HTR2A: variants seen among roughly 807,000 people sequenced by gnomAD.
The protein encoded by HTR2A is 5-hydroxytryptamine receptor 2A, also known as 5-HT2 receptor.
Under a neutral mutation model 31.0 loss-of-function variants are expected in HTR2A, and 14 were observed. The ratio of observed to expected loss-of-function variants is 0.45; its 90% CI spans 0.30 to 0.71. HTR2A has a LOEUF of 0.71. Ranked by LOEUF, HTR2A falls within the 30% of genes least tolerant of loss-of-function variation. The pLI, the probability that HTR2A is intolerant of heterozygous loss-of-function variation, is 0.09. For missense variants in HTR2A, 442 were observed against 573.3 expected (o/e 0.77, Z 2.34); for synonymous variants, 209 against 225.2 (o/e 0.93, Z 0.64).
At chr13:46,871,301 T>G (rs972720661) in intron 3 of HTR2A, among the ~76,000 whole-genome samples, 2 of 152,222 alleles carry the variant, frequency 1.3e-5, no homozygotes, top group Non-Finnish European at 2.9e-5. Flanking sequence ...AGTTTTGACC[T>G]GAAAAAGTGA....
chr13:46,882,322 C>T (rs1224919085), intron 3 of HTR2A, among the ~76,000 whole-genome samples: 1 of 151,748 alleles, frequency 6.6e-6, no homozygotes, highest in Non-Finnish European at 1.5e-5. Context: ...TCAGTAGAAA[C>T]AGTCAATAAA....
rs1459168488 is a variant in HTR2A, at chr13:46,832,278, CAT to C, written c.*2557_*2558del. ...AATAAACATGATACAAACATGCACA[CAT>C]GTGTATATACTGAGTGTTTTCATTG... On this transcript the variant is annotated 3_prime_UTR_variant, in exon 4 of 4. Coordinates refer to ENST00000542664, the MANE Select transcript of HTR2A (RefSeq NM_000621.5). 1 of 152,202 alleles carries C rather than the reference CAT, an allele frequency of 6.6e-6. No individual in the cohort carries two copies. Among genetic ancestry groups the C allele is most frequent in the Non-Finnish European group, 1.5e-5 (1 of 68,032 alleles). 9.4% of individuals were successfully genotyped at this position (152,202 alleles called of 1,614,324 possible). A position where few individuals can be genotyped will look rare whatever the true frequency, so the allele number is the denominator to read the frequency against.
chr13:46,885,075 C>T (rs1054557455), intron 3 of HTR2A, among the ~76,000 whole-genome samples: 4 of 151,918 alleles, frequency 2.6e-5, no homozygotes, highest in African/African-American at 9.7e-5. Context: ...ATATGCGTAC[C>T]TATGATAAAA....
rs550337967 is a variant in HTR2A, at chr13:46,858,285, C to T, written c.614-22646G>A. Among the ~76,000 whole-genome samples, 20 of 152,070 alleles carry T rather than the reference C, an allele frequency of 1.3e-4. 1 individual carries two copies. The South Asian group carries it at 4.2e-3, about 32-fold the overall frequency. On this transcript the variant is annotated intron_variant, in intron 3 of 3. Coordinates refer to ENST00000542664, the MANE Select transcript of HTR2A (RefSeq NM_000621.5). ...GAAAACAGGTACCTGAATCTGACGA[C>T]CCCTCTCTCAGGCAGCTCTCAGGGC...
intron 3 of HTR2A, among the ~76,000 whole-genome samples, chr13:46,872,897 A>T (rs1448921632): frequency 6.6e-6 from 1 of 151,998 alleles, no homozygotes; most frequent in African/African-American, 2.4e-5. Flanking sequence ...AATTATTATT[A>T]TTATTATTTT....
chr13:46,881,674 T>C (rs192058699), intron 3 of HTR2A, among the ~76,000 whole-genome samples: 79 of 152,294 alleles, frequency 5.2e-4, no homozygotes, highest in African/African-American at 1.7e-3. Flanking sequence ...CTTTCTGTCC[T>C]GGTTGCCTGA....
intron 3 of HTR2A, among the ~76,000 whole-genome samples, chr13:46,866,679 T>G (rs1185086800): frequency 4.6e-5 from 7 of 152,212 alleles, no homozygotes; most frequent in Admixed American, 2.0e-4. Flanking sequence ...ATTTACATTT[T>G]CAGCAAGAGG....
At chr13:46,845,135 G>C (rs770244101) in intron 3 of HTR2A, among the ~76,000 whole-genome samples, 1 of 151,910 alleles carries the variant, frequency 6.6e-6, no homozygotes, top group African/African-American at 2.4e-5. Context: ...GATCTTATAG[G>C]GAAAACAAAA....
At chr13:46,851,187 T>C (rs113967715) in intron 3 of HTR2A, among the ~76,000 whole-genome samples, 6 of 152,268 alleles carry the variant, frequency 3.9e-5, no homozygotes, top group Non-Finnish European at 8.8e-5. Context: ...GTGTGTTTCC[T>C]AGTAAAACCA....
chr13:46,875,724 A>G (rs987269082), intron 3 of HTR2A, among the ~76,000 whole-genome samples: 1 of 152,178 alleles, frequency 6.6e-6, no homozygotes, highest in African/African-American at 2.4e-5. Context: ...ATCTTCCTAG[A>G]AGTGACTCTT....
intron 3 of HTR2A, chr13:46,852,362 T>A (rs902602976): frequency 9.2e-5 from 14 of 152,586 alleles, no homozygotes; most frequent in Non-Finnish European, 1.6e-4. Context: ...ACTGTAGGTG[T>A]CCACGTTCTT....
intron 3 of HTR2A, among the ~76,000 whole-genome samples, chr13:46,857,716 T>C (rs1950748571): frequency 6.6e-6 from 1 of 151,994 alleles, no homozygotes; most frequent in Non-Finnish European, 1.5e-5. Context: ...TTCAGACAAA[T>C]GAAATAAATG....
chr13:46,859,362 G>A (rs6561335), intron 3 of HTR2A, among the ~76,000 whole-genome samples: 120,255 of 152,110 alleles, frequency 0.79, 47,953 homozygotes, highest in East Asian at 0.97. Context: ...TGTCATCCAT[G>A]CCATTTCATC....
chr13:46,834,769 T>G lies in HTR2A; in HGVS notation c.*68A>C. The G allele has an allele frequency of 1.8e-5, 23 of 1,253,100 alleles. No homozygotes were observed. The highest frequency in any genetic ancestry group is 2.6e-5 in the Non-Finnish European group (23 of 901,902). The allele number at this position is 1,253,100 out of a possible 1,614,324, so 77.6% of individuals were successfully genotyped here. A position where few individuals can be genotyped will look rare whatever the true frequency, so the allele number is the denominator to read the frequency against. On this transcript the variant is annotated 3_prime_UTR_variant, in exon 4 of 4. Transcript: ENST00000542664. ...TGTCTAATTTTTTCCAATCTCATAT[T>G]TTTTTTTTTCCAGATAGGTGAAAAC...
intron 3 of HTR2A, among the ~76,000 whole-genome samples, chr13:46,845,465 A>G (rs996383320): frequency 6.6e-6 from 1 of 152,158 alleles, no homozygotes; most frequent in Non-Finnish European, 1.5e-5. Flanking sequence ...TACCAGAAGC[A>G]TTGAGCAGGT....
Position 46,895,191 on chromosome 13 carries a change from A to G in HTR2A, c.412+304T>C, listed in dbSNP as rs1191192602. On this transcript the variant is annotated intron_variant, in intron 2 of 3. Transcript: ENST00000542664. This position sits in a 1 kb window ranked among gnomAD's most constrained non-coding sequence, Gnocchi z 4.4. ...GGTTTATGACTGTATGGGGTAATTT[A>G]TAAAAATTTCTACATTAAATGTACA... The G allele has an allele frequency of 7.2e-6, 2 of 279,090 alleles. No individual in the cohort carries two copies. The highest frequency in any genetic ancestry group is 4.4e-5 in the African/African-American group (2 of 45,770). 17.3% of individuals were successfully genotyped at this position (279,090 alleles called of 1,614,324 possible).
rs571440066 is a variant in HTR2A at position 46,872,075 on chromosome 13, T to C, written c.613+20315A>G. On this transcript the variant is annotated intron_variant, in intron 3 of 3. Coordinates refer to ENST00000542664, the MANE Select transcript of HTR2A (RefSeq NM_000621.5). ...TGGTGTTCTTTCAAATATGAGAAGG[T>C]ACTTTTTTACTCTGACCAATTTGGA... Among the ~76,000 whole-genome samples the C allele has an allele frequency of 5.9e-5, 9 of 152,336 alleles. No homozygotes were observed. The East Asian group carries it at 1.7e-3, about 29-fold the overall frequency.
In HTR2A at chr13:46,832,157, T is replaced by C. The variant is rs373388872; in HGVS notation, c.*2680A>G. 1.3e-5 allele frequency: 2 copies of C among 152,230 alleles called. No homozygotes were observed. The highest frequency in any genetic ancestry group is 2.1e-4 in the South Asian group (1 of 4,838). 9.4% of individuals were successfully genotyped at this position (152,230 alleles called of 1,614,324 possible). A position where few individuals can be genotyped will look rare whatever the true frequency, so the allele number is the denominator to read the frequency against. ...GTTCTTCCACAAAATTAGATTAATT[T>C]CCAGTTTATTTAAAGAGCTGATATT... is the stretch of plus-strand genomic sequence containing the variant. On this transcript the variant is annotated 3_prime_UTR_variant, in exon 4 of 4. Coordinates refer to ENST00000542664, the MANE Select transcript of HTR2A (RefSeq NM_000621.5).
At chr13:46,842,136 C>T (rs1025489931) in intron 3 of HTR2A, among the ~76,000 whole-genome samples, 11 of 152,140 alleles carry the variant, frequency 7.2e-5, no homozygotes, top group Non-Finnish European at 5.9e-5. Flanking sequence ...TAAAACTCTT[C>T]AATGCCACAG....
Sources: gnomAD v4.1 joint callset for allele counts (sites outside exome capture counted in the v4.1 genomes callset) on GRCh38, gnomAD v4.1.1 for gene constraint, Gnocchi (gnomAD v3.1) non-coding constraint, MANE v1.5 for transcripts, NCBI Gene and HGNC (gene_info 2026-07-23, HGNC 2026-07-21) for gene names.